Variants in SEC63 observed in about 807,000 individuals in gnomAD.
The protein encoded by SEC63 is SEC63 protein translocation regulator.
SEC63 carries 56 observed loss-of-function variants against 116.2 expected under a neutral mutation model. The ratio of observed to expected loss-of-function variants is 0.48; its 90% CI spans 0.39 to 0.60. The LOEUF (loss-of-function observed/expected upper bound fraction) is 0.60. Among genes scored for constraint, SEC63 ranks in the 20% least tolerant of loss-of-function variants. The probability of loss-of-function intolerance (pLI) is 0.00; values close to 1 mark genes in which losing one functional copy is unlikely to be tolerated. For missense variants in SEC63, 668 were observed against 900.0 expected, an observed-to-expected ratio of 0.74 and a Z score of 3.30; for synonymous variants, 273 against 294.6, an observed-to-expected ratio of 0.93 and a Z score of 0.75.
intron 8 of SEC63, among the ~76,000 whole-genome samples, chr6:107,907,835 G>A (rs897282145): frequency 6.6e-6 from 1 of 152,160 alleles, no homozygotes; most frequent in East Asian, 1.9e-4. Context: ...CCTAGAATGT[G>A]TAAAGAAATC....
chr6:107,943,645 G>T (rs764707428), intron 1 of SEC63, among the ~76,000 whole-genome samples: 1 of 152,196 alleles, frequency 6.6e-6, no homozygotes, highest in Non-Finnish European at 1.5e-5. Flanking sequence ...AGGGAAGATG[G>T]CATCTGAGCA....
At chr6:107,911,978 C>T (rs914243676) in intron 6 of SEC63, among the ~76,000 whole-genome samples, 1 of 152,178 alleles carries the variant, frequency 6.6e-6, no homozygotes, top group East Asian at 1.9e-4. Flanking sequence ...TATTCCTTCT[C>T]GACTATTCCT....
intron 8 of SEC63, 25 bp downstream of exon 8, chr6:107,908,902 G>A (rs1461803998): frequency 7.3e-7 from 1 of 1,371,876 alleles, no homozygotes; most frequent in Admixed American, 1.7e-5. Context: ...GTGATTAATA[G>A]CAAAGTTACT....
chr6:107,898,967 G>A (rs1786931298), intron 13 of SEC63, among the ~76,000 whole-genome samples: 1 of 152,084 alleles, frequency 6.6e-6, no homozygotes, highest in Admixed American at 6.5e-5. Flanking sequence ...CAAAGGGTAT[G>A]GTATCCCTTC....
chr6:107,874,322 C>T lies in SEC63; in HGVS notation c.2035-1410G>A, dbSNP rs546068059. On this transcript the variant is annotated intron_variant, in intron 19 of 20. Transcript: ENST00000369002. ...TAAAAAAGAACAAGGAAGCCGGGCACGGTGGCTCACGCCTGTAATCCCAGC... is the reference window on the plus strand; with the variant it reads ...TAAAAAAGAACAAGGAAGCCGGGCATGGTGGCTCACGCCTGTAATCCCAGC... Among the ~76,000 whole-genome samples the T allele has an allele frequency of 1.8e-4, 28 of 152,250 alleles. No homozygotes were observed. In the East Asian group the frequency reaches 2.1e-3, roughly 12 times the overall value.
Position 107,876,507 on chromosome 6 carries a change from CATG to C in SEC63, c.2034+54_2034+56del, listed in dbSNP as rs1786269938. On this transcript the variant is annotated intron_variant, in intron 19 of 20. Transcript: ENST00000369002. ...TTTAAAAAAAAGATATATGAAGCAG[CATG>C]ATGGTGACAGCTGTGCCTTGTTAAA... The C allele has an allele frequency of 3.7e-5, 37 of 996,502 alleles. No individual in the cohort carries two copies. In the South Asian group the frequency reaches 4.6e-4, roughly 12 times the overall value. The allele number at this position is 996,502 out of a possible 1,614,324, so 61.7% of individuals were successfully genotyped here. A position where few individuals can be genotyped will look rare whatever the true frequency, so the allele number is the denominator to read the frequency against.
rs1257849150 is a variant in SEC63 at position 107,958,048 on chromosome 6, G to GC, written c.-40dup. Reference sequence around the variant, plus strand: ...CCGCCTCGCTCTTCTCACCGCCGCCGCCACGACCACGCTCTGCACTCCCGC... The same window carrying GC: ...CCGCCTCGCTCTTCTCACCGCCGCCGCCCACGACCACGCTCTGCACTCCCGC... On this transcript the variant is annotated 5_prime_UTR_variant, in exon 1 of 21. Transcript: ENST00000369002. 1 of 1,610,784 alleles carries GC rather than the reference G, an allele frequency of 6.2e-7. No individual in the cohort carries two copies. Among genetic ancestry groups the GC allele is most frequent in the Non-Finnish European group, 8.5e-7 (1 of 1,178,548 alleles).
intron 1 of SEC63, among the ~76,000 whole-genome samples, chr6:107,942,911 A>G (rs557255253): frequency 1.3e-5 from 2 of 152,370 alleles, no homozygotes; most frequent in Admixed American, 6.5e-5. Flanking sequence ...TCTACAGTAT[A>G]TATCAAGCAA....
At chr6:107,926,175 T>C (rs1357194203) in intron 2 of SEC63, among the ~76,000 whole-genome samples, 3 of 152,220 alleles carry the variant, frequency 2.0e-5, no homozygotes, top group Non-Finnish European at 4.4e-5. Context: ...ACTATCTATC[T>C]TATATTGTTA....
chr6:107,954,832 C>T (rs202183437), intron 1 of SEC63: 1 of 121,930 alleles, frequency 8.2e-6, no homozygotes, highest in African/African-American at 2.9e-5. Flanking sequence ...ACAGAAACAA[C>T]TCAAGTTATT....
At chr6:107,910,993 G>A (rs535890517) in intron 7 of SEC63, among the ~76,000 whole-genome samples, 1 of 152,232 alleles carries the variant, frequency 6.6e-6, no homozygotes, top group East Asian at 1.9e-4. Flanking sequence ...TTACAGGAGT[G>A]AGCCACCATG....
At chr6:107,880,374 G>C (rs1786384025) in intron 18 of SEC63, among the ~76,000 whole-genome samples, 2 of 152,210 alleles carry the variant, frequency 1.3e-5, no homozygotes, top group African/African-American at 2.4e-5. Flanking sequence ...GCAGTCTGTG[G>C]AACAGTTTCC....
rs1787217878 is a variant in SEC63 at position 107,909,054 on chromosome 6, TAAAC to T, written c.625-23_625-20del. 1 of 1,541,664 alleles carries T rather than the reference TAAAC, an allele frequency of 6.5e-7. No individual in the cohort carries two copies. The highest frequency in any genetic ancestry group is 1.4e-5 in the African/African-American group (1 of 73,346). On this transcript the variant is annotated intron_variant, in intron 7 of 20. Transcript: ENST00000369002. ...AAGAGCCCTAAAACACAAAAAAAATTAAACAAGAAAGAAAGTATAAAAACTACGA... is the reference window on the plus strand; with the variant it reads ...AAGAGCCCTAAAACACAAAAAAAATTAAGAAAGAAAGTATAAAAACTACGA...
intron 16 of SEC63, among the ~76,000 whole-genome samples, chr6:107,893,061 C>T (rs1786723013): frequency 6.6e-6 from 1 of 151,440 alleles, no homozygotes. Flanking sequence ...AACGTCGAAC[C>T]ACCACAAAAC....
intron 1 of SEC63, among the ~76,000 whole-genome samples, chr6:107,952,737 A>G (rs1232617838): frequency 6.6e-6 from 1 of 152,072 alleles, no homozygotes; most frequent in African/African-American, 2.4e-5. Context: ...GAGCCTGGGC[A>G]ACAGAGCGAG....
chr6:107,945,594 G>A (rs1194990047), intron 1 of SEC63, among the ~76,000 whole-genome samples: 2 of 151,680 alleles, frequency 1.3e-5, no homozygotes, highest in East Asian at 1.9e-4. Flanking sequence ...GTGAGCCACC[G>A]AGCCCAGCCG....
intron 3 of SEC63, among the ~76,000 whole-genome samples, chr6:107,922,621 C>A (rs976640443): frequency 2.0e-5 from 3 of 152,114 alleles, no homozygotes; most frequent in Non-Finnish European, 4.4e-5. Context: ...CTGAGGAATA[C>A]CTGGTTTCAG....
chr6:107,953,453 G>A (rs1440014094), intron 1 of SEC63, among the ~76,000 whole-genome samples: 1 of 143,474 alleles, frequency 7.0e-6, no homozygotes, highest in East Asian at 2.2e-4. Context: ...GGGCACCTCT[G>A]CCCGGCCGCC....
At chr6:107,877,733 C>T (rs950310867) in intron 18 of SEC63, among the ~76,000 whole-genome samples, 1 of 152,164 alleles carries the variant, frequency 6.6e-6, no homozygotes, top group African/African-American at 2.4e-5. Flanking sequence ...TGAGTCACCA[C>T]GCCTGGCCCA....
Sources: gnomAD v4.1 joint callset for allele counts (sites outside exome capture counted in the v4.1 genomes callset) on GRCh38, gnomAD v4.1.1 for gene constraint, MANE v1.5 for transcripts, NCBI Gene and HGNC (gene_info 2026-07-23, HGNC 2026-07-21) for gene names.